The following EPHX4 variants were observed in gnomAD, a reference collection of about 807,000 sequenced individuals.
EPHX4 encodes the protein epoxide hydrolase 4, also known as abhydrolase domain containing 7.
A neutral mutation model predicts 44.9 loss-of-function variants in EPHX4; 31 were observed. The ratio of observed to expected loss-of-function variants is 0.69; its 90% CI spans 0.52 to 0.93. The LOEUF is 0.93. Ranked by LOEUF, EPHX4 falls within the 40% of genes least tolerant of loss-of-function variation. The probability of loss-of-function intolerance (pLI) is 0.00; values close to 1 mark genes in which losing one functional copy is unlikely to be tolerated. For missense variants in EPHX4, 373 were observed against 438.1 expected (o/e 0.85, Z 1.33); for synonymous variants, 151 against 159.7 (o/e 0.95, Z 0.41).
Position 92,063,277 on chromosome 1 carries a change from A to T in EPHX4, c.1080A>T (p.Lys360Asn), listed in dbSNP as rs551411827. The change falls in exon 7 of 7, where the codon AAA (lysine) becomes AAT (asparagine). Residue 360 changes from lysine to asparagine, a missense_variant. Lys to Asn is a moderately conservative substitution (Grantham distance 94, BLOSUM62 0). Transcript: ENST00000370383. ...CATTTCTAAAAGAAGAAACAAGAAA[A>T]AAAGATTGACTTTTCTTTATCTTCT... ...IWTFLKEETR[K>N]KD The T allele has an allele frequency of 2.8e-5, 45 of 1,587,080 alleles. No individual in the cohort carries two copies. In the South Asian group the frequency reaches 4.3e-4, roughly 15 times the overall value.
intron 2 of EPHX4, among the ~76,000 whole-genome samples, chr1:92,037,804 T>C (rs1165877002): frequency 6.6e-6 from 1 of 152,206 alleles, no homozygotes; most frequent in Non-Finnish European, 1.5e-5. Flanking sequence ...TACCTAAAGC[T>C]ACCAGAAAAA....
At chr1:92,051,677 G>C (rs999216126) in intron 5 of EPHX4, among the ~76,000 whole-genome samples, 1 of 152,080 alleles carries the variant, frequency 6.6e-6, no homozygotes, top group African/African-American at 2.4e-5. Flanking sequence ...CATCCCATCA[G>C]GGAAATGCAT....
intron 6 of EPHX4, among the ~76,000 whole-genome samples, chr1:92,062,772 A>G (rs1647526671): frequency 6.6e-6 from 1 of 152,018 alleles, no homozygotes; most frequent in South Asian, 2.1e-4. Flanking sequence ...TTGTTTCTCA[A>G]TCACTTTTTC....
rs749290050 is a variant in EPHX4, at chr1:92,052,646, G to A, written c.845G>A (p.Arg282Gln). Reference protein sequence around the residue: ...GALSGPINHYRNIFSCLPLKH... With the variant: ...GALSGPINHYQNIFSCLPLKH... ...TTAAGTGGCCCAATTAACCATTACCGAAATATCTTCAGGTAAGTATAATTT... is the reference window on the plus strand; with the variant it reads ...TTAAGTGGCCCAATTAACCATTACCAAAATATCTTCAGGTAAGTATAATTT... Residue 282 changes from arginine to glutamine, a missense_variant, in exon 6 of 7, where the codon CGA (arginine) becomes CAA (glutamine). Arg to Gln is a conservative substitution (Grantham distance 43, BLOSUM62 1). Transcript: ENST00000370383. 6.9e-6 allele frequency: 11 copies of A among 1,605,294 alleles called. No individual in the cohort carries two copies. The highest frequency in any genetic ancestry group is 4.5e-5 in the South Asian group (4 of 88,270).
chr1:92,046,175 T>C (rs370161516), intron 4 of EPHX4, among the ~76,000 whole-genome samples: 1 of 152,206 alleles, frequency 6.6e-6, no homozygotes, highest in African/African-American at 2.4e-5. Flanking sequence ...TGTTAATTCA[T>C]CAAAAGAAAT....
intron 6 of EPHX4, among the ~76,000 whole-genome samples, chr1:92,054,660 C>T (rs1051515498): frequency 3.3e-5 from 5 of 150,466 alleles, no homozygotes; most frequent in Admixed American, 1.3e-4. Context: ...ACTCCTACAA[C>T]TTTCAAATAA....
chr1:92,039,868 G>A (rs1224263949), intron 2 of EPHX4, among the ~76,000 whole-genome samples: 1 of 152,132 alleles, frequency 6.6e-6, no homozygotes, highest in Non-Finnish European at 1.5e-5. Context: ...TGGCCAGGCT[G>A]GTCTCAAATT....
chr1:92,034,267 T>C (rs141244430), intron 2 of EPHX4, among the ~76,000 whole-genome samples: 7,997 of 125,864 alleles, frequency 0.064, 270 homozygotes, highest in African/African-American at 0.11. Flanking sequence ...GCCACTGCAC[T>C]CCAGCCTGGG....
At position 92,045,795 on chromosome 1, in the gene EPHX4, T is replaced by C. The variant is rs1688573889; in HGVS notation, c.604+135T>C. ...TAAATGACTAAACCATGATAGCACATGACAGTGTCAGATACCTTGGTTTTC... is the reference window on the plus strand; with the variant it reads ...TAAATGACTAAACCATGATAGCACACGACAGTGTCAGATACCTTGGTTTTC... On this transcript the variant is annotated intron_variant, in intron 4 of 6. Transcript: ENST00000370383. 4.2e-6 allele frequency: 4 copies of C among 941,754 alleles called. No homozygotes were observed. In the South Asian group the frequency reaches 4.5e-5, roughly 10 times the overall value. 58.3% of individuals were successfully genotyped at this position (941,754 alleles called of 1,614,324 possible).
chr1:92,031,837 T>C (rs1688366309), intron 1 of EPHX4, among the ~76,000 whole-genome samples: 2 of 152,176 alleles, frequency 1.3e-5, no homozygotes, highest in Non-Finnish European at 2.9e-5. Context: ...TCTTGTCTCC[T>C]ACATGCAGAG....
intron 6 of EPHX4, 126 bp downstream of exon 6, chr1:92,052,784 A>G: frequency 1.2e-6 from 1 of 817,012 alleles, no homozygotes; most frequent in South Asian, 2.4e-5. Flanking sequence ...TAATTTTTTT[A>G]GTAAGTTGCA....
intron 6 of EPHX4, among the ~76,000 whole-genome samples, chr1:92,061,614 A>T (rs1647500442): frequency 6.6e-6 from 1 of 152,240 alleles, no homozygotes; most frequent in Admixed American, 6.5e-5. Context: ...GCATAATTTA[A>T]AACAAGGAGA....
At chr1:92,057,968 T>A (rs911057201) in intron 6 of EPHX4, among the ~76,000 whole-genome samples, 1 of 152,178 alleles carries the variant, frequency 6.6e-6, no homozygotes, top group Non-Finnish European at 1.5e-5. Context: ...AAAAGGAAGA[T>A]ATGTTTCAGC....
Position 92,030,752 on chromosome 1 carries a change from C to G in EPHX4, c.231+442C>G, listed in dbSNP as rs561379926. Among the ~76,000 whole-genome samples the G allele has an allele frequency of 4.6e-5, 7 of 152,040 alleles. No individual in the cohort carries two copies. The South Asian group carries it at 8.3e-4, about 18-fold the overall frequency. On this transcript the variant is annotated intron_variant, in intron 1 of 6. Transcript: ENST00000370383. ...AATGTCTCAGGAGGCTGTTCTTGCC[C>G]AATTTTAGAGATAATAAGAGTAAAC...
chr1:92,058,376 G>T (rs941057480), intron 6 of EPHX4, among the ~76,000 whole-genome samples: 10 of 151,866 alleles, frequency 6.6e-5, no homozygotes, highest in Non-Finnish European at 1.5e-4. Context: ...GGGAGGTGGA[G>T]GTTGTGGTGA....
intron 1 of EPHX4, among the ~76,000 whole-genome samples, chr1:92,032,225 AAG>A (rs1465411824): frequency 6.6e-6 from 1 of 152,224 alleles, no homozygotes. Context: ...GTACTAGAAC[AAG>A]AAGAGAAGGT....
intron 3 of EPHX4, among the ~76,000 whole-genome samples, chr1:92,045,206 G>A (rs902829066): frequency 1.5e-4 from 23 of 151,916 alleles, no homozygotes; most frequent in African/African-American, 5.6e-4. Context: ...GGCTGGTCTC[G>A]AACTCCTGGC....
In EPHX4 at chr1:92,055,511, G is replaced by T. The variant is rs12094722; in HGVS notation, c.857+2853G>T. ...ATATATATATCTTTGGCAAAACAGA[G>T]ATGTTAATTTAAATGGTCTTTGTAG... On this transcript the variant is annotated intron_variant, in intron 6 of 6. Transcript: ENST00000370383. Among the ~76,000 whole-genome samples the T allele has an allele frequency of 5.7e-3, 874 of 152,226 alleles. 10 individuals are homozygous for T. The highest frequency in any genetic ancestry group is 0.017 in the African/African-American group (701 of 41,542).
chr1:92,035,714 T>C (rs1227501012), intron 2 of EPHX4, among the ~76,000 whole-genome samples: 1 of 152,206 alleles, frequency 6.6e-6, no homozygotes, highest in Non-Finnish European at 1.5e-5. Flanking sequence ...CAACCCGTCA[T>C]GTAGGTATTA....
Sources: gnomAD v4.1 joint callset for allele counts (sites outside exome capture counted in the v4.1 genomes callset) on GRCh38, gnomAD v4.1.1 for gene constraint, MANE v1.5 for transcripts, NCBI Gene and HGNC (gene_info 2026-07-23, HGNC 2026-07-21) for gene names.